ROBO2: variants seen among roughly 807,000 people sequenced by gnomAD.
ROBO2 encodes roundabout guidance receptor 2, also known as roundabout homolog 2.
In ROBO2, 53 loss-of-function variants were observed where a neutral mutation model predicts 160.8. That is an observed-to-expected ratio of 0.33 (90% confidence interval 0.26 to 0.41). The LOEUF is 0.41. ROBO2 is among the 10% of genes least tolerant of loss of function. ROBO2 has a pLI of 1.00. For missense variants in ROBO2, 1,577 were observed against 1,722.4 expected, an observed-to-expected ratio of 0.92 and a Z score of 1.49; for synonymous variants, 664 against 611.7, an observed-to-expected ratio of 1.09 and a Z score of -1.26.
intron 2 of ROBO2, among the ~76,000 whole-genome samples, chr3:76,735,489 C>T (rs1431974424): frequency 6.6e-6 from 1 of 152,126 alleles, no homozygotes; most frequent in Non-Finnish European, 1.5e-5. Context: ...GGGCCAGGCA[C>T]AGTGTCTCAC....
intron 1 of ROBO2, among the ~76,000 whole-genome samples, chr3:77,074,170 A>T (rs959468801): frequency 6.6e-6 from 1 of 152,202 alleles, no homozygotes; most frequent in Non-Finnish European, 1.5e-5. Context: ...GATTTAGCAT[A>T]CATACTCAAG....
At chr3:76,215,999 CAATA>C (rs1703497364) in intron 2 of ROBO2, among the ~76,000 whole-genome samples, 1 of 152,100 alleles carries the variant, frequency 6.6e-6, no homozygotes, top group African/African-American at 2.4e-5. Flanking sequence ...GAGTGGGGGT[CAATA>C]TTCAACATTC....
chr3:75,910,594 G>A (rs1347156923), intron 1 of ROBO2, among the ~76,000 whole-genome samples: 1 of 152,154 alleles, frequency 6.6e-6, no homozygotes, highest in Non-Finnish European at 1.5e-5. Flanking sequence ...GCATAAGGGA[G>A]TAGTAGATGA....
At chr3:77,292,660 T>G (rs1335780063) in intron 2 of ROBO2, among the ~76,000 whole-genome samples, 2 of 149,996 alleles carry the variant, frequency 1.3e-5, no homozygotes, top group Non-Finnish European at 3.0e-5. Flanking sequence ...AGTAAAGACA[T>G]AAAGTAAAAT....
chr3:77,580,084 T>G, exon 16 of ROBO2: 3 of 1,613,712 alleles, frequency 1.9e-6, no homozygotes, highest in Non-Finnish European at 1.7e-6. Context: ...GTGCAGGGGT[T>G]GGAGTAAAGA....
At chr3:77,607,834 C>G (rs781654832) in exon 21 of ROBO2, 2 of 1,613,964 alleles carry the variant, frequency 1.2e-6, no homozygotes, top group Non-Finnish European at 1.7e-6. Flanking sequence ...AATAAAAACT[C>G]TTCTAAACCA....
intron 2 of ROBO2, among the ~76,000 whole-genome samples, chr3:77,209,280 A>G (rs2083806148): frequency 6.6e-6 from 1 of 152,174 alleles, no homozygotes; most frequent in Admixed American, 6.6e-5. Context: ...GCCTTAGATA[A>G]TCAAAAAACA....
chr3:76,562,503 A>G (rs2084253881), intron 2 of ROBO2, among the ~76,000 whole-genome samples: 1 of 151,842 alleles, frequency 6.6e-6, no homozygotes, highest in Non-Finnish European at 1.5e-5. Flanking sequence ...TGTTATCAAG[A>G]TAAGCATAGT....
intron 6 of ROBO2, among the ~76,000 whole-genome samples, chr3:77,526,581 A>G (rs2091183256): frequency 6.6e-6 from 1 of 151,560 alleles, no homozygotes; most frequent in East Asian, 1.9e-4. Flanking sequence ...ATAGCGTGTT[A>G]TTCATTTTTA....
At chr3:77,200,321 A>ATTTTT (rs201851831) in intron 2 of ROBO2, among the ~76,000 whole-genome samples, 1 of 54,916 alleles carries the variant, frequency 1.8e-5, no homozygotes, top group East Asian at 4.9e-4. Context: ...ATATATATAT[A>ATTTTT]TTTTAGTTTC....
chr3:77,211,924 A>G (rs1391844919), intron 2 of ROBO2, among the ~76,000 whole-genome samples: 2 of 152,062 alleles, frequency 1.3e-5, no homozygotes, highest in Non-Finnish European at 2.9e-5. Context: ...GTTCTGTTCC[A>G]TTGGTCTATA....
intron 2 of ROBO2, among the ~76,000 whole-genome samples, chr3:76,873,757 T>C (rs951106934): frequency 6.4e-4 from 98 of 152,252 alleles, no homozygotes; most frequent in African/African-American, 2.3e-3. Flanking sequence ...ACACAAACTT[T>C]GCCCTGAAAG....
At chr3:77,129,328 G>A (rs1243883747) in intron 2 of ROBO2, among the ~76,000 whole-genome samples, 1 of 152,158 alleles carries the variant, frequency 6.6e-6, no homozygotes, top group Non-Finnish European at 1.5e-5. Context: ...TTTGGACCAT[G>A]AATTTTAAAT....
At chr3:76,150,411 G>A (rs113360218) in intron 2 of ROBO2, among the ~76,000 whole-genome samples, 5 of 52,154 alleles carry the variant, frequency 9.6e-5, no homozygotes, top group East Asian at 5.8e-4. Context: ...TCTGTCTAAA[G>A]CACACATCAT....
chr3:75,998,978 C>G (rs1025868297), intron 2 of ROBO2, among the ~76,000 whole-genome samples: 1 of 152,162 alleles, frequency 6.6e-6, no homozygotes, highest in African/African-American at 2.4e-5. Flanking sequence ...AAACCTTAGT[C>G]GTGATTGTTA....
chr3:77,529,728 G>T (rs2091483020), intron 6 of ROBO2, among the ~76,000 whole-genome samples: 1 of 151,854 alleles, frequency 6.6e-6, no homozygotes. Context: ...TGGAACTAAA[G>T]AATAGCTTCT....
chr3:76,707,816 C>G (rs264560), intron 2 of ROBO2, among the ~76,000 whole-genome samples: 2 of 150,634 alleles, frequency 1.3e-5, no homozygotes, highest in African/African-American at 4.9e-5. Flanking sequence ...CCAGACCACC[C>G]TCCTCCAATC....
chr3:76,716,667 G>C (rs2093384381), intron 2 of ROBO2, among the ~76,000 whole-genome samples: 1 of 152,178 alleles, frequency 6.6e-6, no homozygotes, highest in Admixed American at 6.5e-5. Context: ...CTAGCAGCTT[G>C]AGCCTTCTCT....
chr3:76,384,365 C>A (rs141454578), intron 2 of ROBO2, among the ~76,000 whole-genome samples: 3 of 152,254 alleles, frequency 2.0e-5, no homozygotes, highest in African/African-American at 7.2e-5. Context: ...ATTCAGCCAT[C>A]TAGACCATTT....
Sources: allele counts gnomAD v4.1 joint callset (sites outside exome capture counted in the v4.1 genomes callset), GRCh38; gene constraint gnomAD v4.1.1; transcripts MANE v1.5; gene names NCBI Gene and HGNC (gene_info 2026-07-23, HGNC 2026-07-21).